RIMBP2: variants seen among roughly 807,000 people sequenced by gnomAD.
The protein encoded by RIMBP2 is RIMS-binding protein 2.
Under a neutral mutation model 118.6 loss-of-function variants are expected in RIMBP2, and 48 were observed. The ratio of observed to expected loss-of-function variants is 0.40; its 90% CI spans 0.32 to 0.51. The LOEUF (loss-of-function observed/expected upper bound fraction) is 0.51. Ranked by LOEUF, RIMBP2 falls within the 20% of genes least tolerant of loss-of-function variation. The probability of loss-of-function intolerance (pLI) is 0.41; values close to 1 mark genes in which losing one functional copy is unlikely to be tolerated. For missense variants in RIMBP2, 1,551 were observed against 1,768.3 expected (o/e 0.88, Z 2.20); for synonymous variants, 762 against 742.9 (o/e 1.03, Z -0.42).
intron 1 of RIMBP2, among the ~76,000 whole-genome samples, chr12:130,687,564 T>C (rs2065114789): frequency 6.6e-6 from 1 of 152,220 alleles, no homozygotes; most frequent in Non-Finnish European, 1.5e-5. Flanking sequence ...TCCTAGATGT[T>C]TGTTTCTTTG....
At chr12:130,483,770 CT>C (rs1268951147) in intron 4 of RIMBP2, among the ~76,000 whole-genome samples, 169 of 145,916 alleles carry the variant, frequency 1.2e-3, no homozygotes, top group African/African-American at 3.8e-3. Flanking sequence ...GCCCCCATCC[CT>C]CACCTACACA....
At position 130,471,567 on chromosome 12, in the gene RIMBP2, G is replaced by A. The variant is rs140106716; in HGVS notation, c.103-824C>T. Among the ~76,000 whole-genome samples the A allele has an allele frequency of 2.0e-3, 304 of 152,252 alleles. 1 individual carries two copies. The highest frequency in any genetic ancestry group is 6.9e-3 in the African/African-American group (286 of 41,540). ...AAGACCCATGGAGGCCCCTCACTCT[G>A]CTCCATCTAAGCCAATGCCCGTTGT... is the stretch of plus-strand genomic sequence containing the variant. On this transcript the variant is annotated intron_variant, in intron 5 of 22. Coordinates refer to ENST00000690449, the MANE Select transcript of RIMBP2 (RefSeq NM_001393629.1).
chr12:130,442,062 G>T lies in RIMBP2; in HGVS notation c.1290C>A (p.Pro430=), dbSNP rs1250287026. The change falls in exon 11 of 23, where the codon CCC becomes CCA. Residue 430 remains proline (P), a synonymous_variant. Transcript: ENST00000690449. The surrounding 1 kb of genome is among the most constrained non-coding windows in gnomAD (Gnocchi z 6.9). ...TQISAQLSWL[P]TNSNYSHVIF... ...TGACGTGGCTGTAGTTGCTGTTGGT[G>T]GGTAGCCAGGAGAGCTGGGCGGAGA... 2 of 1,614,022 alleles carry T rather than the reference G, an allele frequency of 1.2e-6. No homozygotes were observed. Among genetic ancestry groups the T allele is most frequent in the Non-Finnish European group, 1.7e-6 (2 of 1,180,048 alleles).
At chr12:130,711,958 CT>C (rs1192270885) in intron 1 of RIMBP2, among the ~76,000 whole-genome samples, 1 of 152,270 alleles carries the variant, frequency 6.6e-6, no homozygotes, top group African/African-American at 2.4e-5. Flanking sequence ...GTACTGAGTA[CT>C]GTAGGCCACT....
intron 2 of RIMBP2, among the ~76,000 whole-genome samples, chr12:130,548,776 G>A (rs987739872): frequency 4.6e-5 from 7 of 151,338 alleles, no homozygotes; most frequent in Admixed American, 4.6e-4. Flanking sequence ...GTTTCACCAT[G>A]TTGACCAGGC....
chr12:130,460,897 G>A (rs2079922236), intron 6 of RIMBP2, among the ~76,000 whole-genome samples: 1 of 152,130 alleles, frequency 6.6e-6, no homozygotes, highest in Non-Finnish European at 1.5e-5. Context: ...ACCCAACTGG[G>A]CTCACTGCAC....
intron 4 of RIMBP2, among the ~76,000 whole-genome samples, chr12:130,494,493 G>A (rs183680947): frequency 6.6e-6 from 1 of 152,064 alleles, no homozygotes; most frequent in Admixed American, 6.5e-5. Flanking sequence ...ACAAAAATTA[G>A]CCAGGCATGG....
intron 11 of RIMBP2, among the ~76,000 whole-genome samples, chr12:130,440,375 C>A (rs1313080947): frequency 6.6e-6 from 1 of 152,284 alleles, no homozygotes; most frequent in South Asian, 2.1e-4. Context: ...CCCAACTACA[C>A]CTTCTTCCTC....
At chr12:130,399,129 G>C in intron 22 of RIMBP2, 1 of 1,394,892 alleles carries the variant, frequency 7.2e-7, no homozygotes, top group Non-Finnish European at 9.4e-7. Flanking sequence ...AGGCTACATT[G>C]CCTGATTAAG....
At chr12:130,493,656 T>C (rs2048858857) in intron 4 of RIMBP2, among the ~76,000 whole-genome samples, 1 of 152,200 alleles carries the variant, frequency 6.6e-6, no homozygotes, top group Admixed American at 6.5e-5. Flanking sequence ...CTGTTCTGTA[T>C]GTTTTTATGT....
In RIMBP2 at chr12:130,688,018, G is replaced by A. The variant is rs1484009344; in HGVS notation, c.-352+28204C>T. ...TGAGCCCAAAGACCTGACAATCTCG[G>A]CCAACAGCTCAGATCAACTATTGTT... On this transcript the variant is annotated intron_variant, in intron 1 of 22. Coordinates refer to ENST00000690449, the MANE Select transcript of RIMBP2 (RefSeq NM_001393629.1). This position sits in a 1 kb window ranked among gnomAD's most constrained non-coding sequence, Gnocchi z 4.7. Among the ~76,000 whole-genome samples the A allele has an allele frequency of 3.3e-5, 5 of 152,204 alleles. No homozygotes were observed. Among genetic ancestry groups the A allele is most frequent in the Admixed American group, 1.3e-4 (2 of 15,286 alleles).
rs537230273 is a variant in RIMBP2, at chr12:130,447,250, A to G, written c.582-1981T>C. Reference sequence around the variant, plus strand: ...GCCAAGAGGGAAGGTGAACACCGAGAAGGGTGGAAGAAGGTCCCTGGCTGG... The same window carrying G: ...GCCAAGAGGGAAGGTGAACACCGAGGAGGGTGGAAGAAGGTCCCTGGCTGG... On this transcript the variant is annotated intron_variant, in intron 9 of 22. Transcript: ENST00000690449. This position sits in a 1 kb window ranked among gnomAD's most constrained non-coding sequence, Gnocchi z 4.4. Among the ~76,000 whole-genome samples the G allele has an allele frequency of 4.6e-5, 7 of 151,878 alleles. No homozygotes were observed. The highest frequency in any genetic ancestry group is 1.7e-4 in the African/African-American group (7 of 41,398).
intron 1 of RIMBP2, among the ~76,000 whole-genome samples, chr12:130,673,669 T>C (rs1169982755): frequency 6.6e-6 from 1 of 152,188 alleles, no homozygotes; most frequent in Non-Finnish European, 1.5e-5. Flanking sequence ...TTTGGGTCTG[T>C]GTTCCTGCCC....
At chr12:130,551,794 G>A (rs905212154) in intron 2 of RIMBP2, among the ~76,000 whole-genome samples, 4 of 152,216 alleles carry the variant, frequency 2.6e-5, no homozygotes, top group African/African-American at 9.6e-5. Flanking sequence ...CCTCAAGGAA[G>A]AATTCCACTT....
In RIMBP2 at chr12:130,667,123, GA is replaced by G. The variant is rs60795530; in HGVS notation, c.-351-38668del. 2.1e-4 allele frequency among the ~76,000 whole-genome samples: 13 copies of G among 61,870 alleles called. 1 individual carries two copies. The highest frequency in any genetic ancestry group is 5.5e-4 in the South Asian group (1 of 1,802). The allele number at this position is 61,870 out of a possible 152,430, so 40.6% of individuals were successfully genotyped here. On this transcript the variant is annotated intron_variant, in intron 1 of 22. Transcript: ENST00000690449. ...GGGAGAAAAAAAGGAATGAGGGAGG[GA>G]AGGAAGGAGAGAGGGAGGGAAGGGA...
intron 1 of RIMBP2, among the ~76,000 whole-genome samples, chr12:130,676,367 G>T (rs917280257): frequency 6.7e-6 from 1 of 149,974 alleles, no homozygotes; most frequent in African/African-American, 2.5e-5. Context: ...GCTCACGCCT[G>T]TAACACCAGC....
intron 1 of RIMBP2, among the ~76,000 whole-genome samples, chr12:130,652,991 G>A (rs909624641): frequency 1.3e-5 from 2 of 152,078 alleles, no homozygotes; most frequent in African/African-American, 4.8e-5. Flanking sequence ...TCCCAACAGT[G>A]AGGATCACAT....
At position 130,459,152 on chromosome 12, in the gene RIMBP2, G is replaced by A. The variant is rs893901307; in HGVS notation, c.154-2452C>T. ...AGATCAGCGGTTGTCAGGGTTTTGG[G>A]TTAGGGGAGGGTGTGACGAGGGACG... On this transcript the variant is annotated intron_variant, in intron 6 of 22. Coordinates refer to ENST00000690449, the MANE Select transcript of RIMBP2 (RefSeq NM_001393629.1). Among the ~76,000 whole-genome samples the A allele has an allele frequency of 2.0e-5, 3 of 152,022 alleles. No individual in the cohort carries two copies. In the South Asian group the frequency reaches 6.2e-4, roughly 32 times the overall value.
At chr12:130,535,112 GC>G (rs2053872319) in intron 2 of RIMBP2, among the ~76,000 whole-genome samples, 1 of 152,160 alleles carries the variant, frequency 6.6e-6, no homozygotes, top group African/African-American at 2.4e-5. Context: ...GGCTCCCTCA[GC>G]AAGGGCTCCG....
Sources: allele counts gnomAD v4.1 joint callset (sites outside exome capture counted in the v4.1 genomes callset), GRCh38; gene constraint gnomAD v4.1.1; non-coding constraint Gnocchi (gnomAD v3.1); transcripts MANE v1.5; gene names NCBI Gene and HGNC (gene_info 2026-07-23, HGNC 2026-07-21).